BEST3: variants seen among roughly 807,000 people sequenced by gnomAD.
BEST3 encodes the protein bestrophin-3.
A neutral mutation model predicts 47.1 loss-of-function variants in BEST3; 50 were observed. That is an observed-to-expected ratio of 1.06 (90% confidence interval 0.85 to 1.34). BEST3 has a LOEUF of 1.34. Ranked by LOEUF, BEST3 falls within the 40% of genes most tolerant of loss-of-function variation. BEST3 has a pLI of 0.00. For synonymous variants in BEST3, 282 were observed against 298.8 expected (o/e 0.94, Z 0.58); for missense variants, 765 against 817.0 (o/e 0.94, Z 0.78).
At chr12:69,676,766 G>T in intron 7 of BEST3, 150 bp downstream of exon 7, 2 of 883,358 alleles carry the variant, frequency 2.3e-6, no homozygotes, top group Non-Finnish European at 1.8e-6. Flanking sequence ...TGAATCTCTG[G>T]CAGAAAAGTA....
chr12:69,668,789 A>G (rs1027495710), intron 9 of BEST3, among the ~76,000 whole-genome samples: 16 of 152,320 alleles, frequency 1.1e-4, no homozygotes, highest in African/African-American at 3.8e-4. Context: ...ATTAGCTCAG[A>G]AATGGATATG....
chr12:69,654,749 T>G lies in BEST3; in HGVS notation c.*158A>C. 1 of 1,361,134 alleles carries G rather than the reference T, an allele frequency of 7.3e-7. No individual in the cohort carries two copies. The highest frequency in any genetic ancestry group is 9.5e-7 in the Non-Finnish European group (1 of 1,056,738). The allele number at this position is 1,361,134 out of a possible 1,614,324, so 84.3% of individuals were successfully genotyped here. A position where few individuals can be genotyped will look rare whatever the true frequency, so the allele number is the denominator to read the frequency against. On this transcript the variant is annotated 3_prime_UTR_variant, in exon 10 of 10. Transcript: ENST00000330891. ...TTGATTTTTCGCAGCTCTCAAAAAG[T>G]CAGGATCATAATGCCCTTCAAAGTT...
intron 9 of BEST3, among the ~76,000 whole-genome samples, chr12:69,668,368 CTTT>C (rs1320931095): frequency 1.3e-5 from 2 of 152,186 alleles, no homozygotes; most frequent in Non-Finnish European, 2.9e-5. Context: ...GAGGCAGGCA[CTTT>C]TATAAAATGT....
At chr12:69,689,300 A>G (rs1885814995) in intron 4 of BEST3, 1 of 983,478 alleles carries the variant, frequency 1.0e-6, no homozygotes, top group Non-Finnish European at 1.2e-6. Context: ...CAGGAAGTTC[A>G]GTGAGTCAGC....
At chr12:69,689,953 A>G (rs1355347911) in intron 4 of BEST3, among the ~76,000 whole-genome samples, 11 of 152,166 alleles carry the variant, frequency 7.2e-5, no homozygotes, top group African/African-American at 2.7e-4. Flanking sequence ...AGTGAGAAAA[A>G]GGGTTTAAAA....
At chr12:69,653,573 C>G (rs1464470702), downstream of BEST3, 1 of 911,808 alleles carries the variant, frequency 1.1e-6, no homozygotes, top group Non-Finnish European at 1.3e-6. Context: ...ATAAGATTCG[C>G]TGCTGCCTGG....
chr12:69,686,876 G>A, intron 4 of BEST3, among the ~76,000 whole-genome samples: 1 of 151,892 alleles, frequency 6.6e-6, no homozygotes, highest in Admixed American at 6.6e-5. Context: ...TAGGCTGATG[G>A]CACCTGCAGA....
chr12:69,695,564 T>C (rs981133973), intron 2 of BEST3, among the ~76,000 whole-genome samples: 3 of 152,180 alleles, frequency 2.0e-5, no homozygotes, highest in Non-Finnish European at 4.4e-5. Flanking sequence ...CTATCAGGGT[T>C]ATGCTGATGA....
intron 9 of BEST3, among the ~76,000 whole-genome samples, chr12:69,665,147 A>T (rs11177786): frequency 2.8e-5 from 3 of 105,766 alleles, no homozygotes; most frequent in African/African-American, 8.5e-5. Flanking sequence ...ACAGCACTAC[A>T]GCGAACACCA....
Position 69,694,375 on chromosome 12 carries a change from A to T in BEST3, c.242T>A (p.Val81Glu). The T allele has an allele frequency of 6.2e-7, 1 of 1,601,326 alleles. No homozygotes were observed. Among genetic ancestry groups the T allele is most frequent in the Middle Eastern group, 1.7e-4 (1 of 6,030 alleles). ...RYAEQIPVTF[V>E]LGFYVTLVVN... is the part of the protein sequence containing the mutation. The stretch of plus-strand genomic sequence containing the variant: ...TGCGTGTGACCTATACTTACCAAGC[A>T]CAAAGGTTACTGGAATTTGTTCAGC... Residue 81 changes from valine (V) to glutamate (E), a missense_variant, in exon 3 of 10, where the codon GTG becomes GAG. Physicochemically the swap from Val to Glu is moderately radical, Grantham distance 121. Coordinates refer to ENST00000330891, the MANE Select transcript of BEST3 (RefSeq NM_032735.3).
chr12:69,676,776 A>G (rs1283539969), intron 7 of BEST3, 140 bp downstream of exon 7: 48 of 943,012 alleles, frequency 5.1e-5, no homozygotes, highest in Admixed American at 2.3e-4. Flanking sequence ...GCAGAAAAGT[A>G]ATAACATTGC....
rs1883309953 is a variant in BEST3 at position 69,654,052 on chromosome 12, AC to A, written c.*854del. The A allele has an allele frequency of 2.0e-6, 2 of 985,110 alleles. No individual in the cohort carries two copies. The highest frequency in any genetic ancestry group is 2.3e-4 in the East Asian group (2 of 8,794). 61.0% of individuals were successfully genotyped at this position (985,110 alleles called of 1,614,324 possible). The stretch of plus-strand genomic sequence containing the variant: ...CTGCAAGGGCACGGGGGGAACCATC[AC>A]TCCTATATGCCTTCCACTGGAAGTG... On this transcript the variant is annotated 3_prime_UTR_variant, in exon 10 of 10. Transcript: ENST00000330891.
chr12:69,646,332 A>G (rs188408586), intron 9 of BEST3, among the ~76,000 whole-genome samples: 2 of 152,342 alleles, frequency 1.3e-5, no homozygotes, highest in African/African-American at 2.4e-5. Context: ...GAGATCACAC[A>G]GCTAAGTTTG....
chr12:69,653,758 A>C lies in BEST3; in HGVS notation c.*1149T>G. On this transcript the variant is annotated 3_prime_UTR_variant, in exon 10 of 10. Transcript: ENST00000330891. The stretch of plus-strand genomic sequence containing the variant: ...CTGAGAGCTCCCTGGGAGGAGTACC[A>C]ACATCCGATCCCCATTATGCAGCTC... 1.0e-6 allele frequency: 1 copy of C among 985,428 alleles called. No individual in the cohort carries two copies. Among genetic ancestry groups the C allele is most frequent in the Non-Finnish European group, 1.2e-6 (1 of 829,950 alleles). 61.0% of individuals were successfully genotyped at this position (985,428 alleles called of 1,614,324 possible). A position where few individuals can be genotyped will look rare whatever the true frequency, so the allele number is the denominator to read the frequency against.
Position 69,653,620 on chromosome 12 carries a change from G to A in BEST3, c.*1287C>T, listed in dbSNP as rs1163957395. 3 of 984,286 alleles carry A rather than the reference G, an allele frequency of 3.0e-6. No homozygotes were observed. Among genetic ancestry groups the A allele is most frequent in the South Asian group, 4.7e-5 (1 of 21,278 alleles). The allele number at this position is 984,286 out of a possible 1,614,324, so 61.0% of individuals were successfully genotyped here. ...CACTCAATAAATGGTAGTTTTGAGG[G>A]TTATTTTATTTCTAAAGCCATATGT... is the stretch of plus-strand genomic sequence containing the variant. On this transcript the variant is annotated 3_prime_UTR_variant, in exon 10 of 10. Coordinates refer to ENST00000330891, the MANE Select transcript of BEST3 (RefSeq NM_032735.3).
chr12:69,684,487 A>T, intron 4 of BEST3: 2 of 573,110 alleles, frequency 3.5e-6, no homozygotes, highest in Non-Finnish European at 6.7e-6. Context: ...TCCTTGATTG[A>T]AGTTGAGGCA....
At chr12:69,685,716 T>C (rs771020416) in intron 4 of BEST3, among the ~76,000 whole-genome samples, 2 of 152,176 alleles carry the variant, frequency 1.3e-5, no homozygotes, top group African/African-American at 2.4e-5. Flanking sequence ...TCCTAAGCCC[T>C]AGATCTAGAT....
intron 2 of BEST3, 32 bp from the exon 3 acceptor site, chr12:69,694,496 T>G: frequency 7.9e-7 from 1 of 1,265,390 alleles, no homozygotes; most frequent in Non-Finnish European, 1.1e-6. Context: ...CAGCCCTTTA[T>G]GATATTATAC....
chr12:69,678,636 C>A, intron 5 of BEST3, 103 bp downstream of exon 5: 1 of 1,120,958 alleles, frequency 8.9e-7, no homozygotes, highest in Non-Finnish European at 1.3e-6. Context: ...TCCTCTGGAA[C>A]CAGGACTGAA....
Sources: gnomAD v4.1 joint callset for allele counts (sites outside exome capture counted in the v4.1 genomes callset) on GRCh38, gnomAD v4.1.1 for gene constraint, MANE v1.5 for transcripts, NCBI Gene and HGNC (gene_info 2026-07-23, HGNC 2026-07-21) for gene names.